MICU2: variants seen among roughly 807,000 people sequenced by gnomAD.
MICU2 encodes calcium uptake protein 2, mitochondrial.
A neutral mutation model predicts 60.4 loss-of-function variants in MICU2; 64 were observed. The ratio of observed to expected loss-of-function variants is 1.06; its 90% CI spans 0.87 to 1.31. The LOEUF (loss-of-function observed/expected upper bound fraction) is 1.31, where lower values mean the gene tolerates loss of function less well. MICU2 is among the 50% of genes most tolerant of loss of function. MICU2 has a pLI of 0.00. For synonymous variants in MICU2, 201 were observed against 175.0 expected (o/e 1.15, Z -1.17); for missense variants, 569 against 531.0 (o/e 1.07, Z -0.70).
chr13:21,519,193 A>G (rs1479477679), intron 6 of MICU2, among the ~76,000 whole-genome samples: 1 of 152,118 alleles, frequency 6.6e-6, no homozygotes, highest in Non-Finnish European at 1.5e-5. Flanking sequence ...AGTAGCTGAG[A>G]TTACAGGCAT....
chr13:21,493,362 C>A lies in MICU2; in HGVS notation c.1201-9G>T, dbSNP rs750035715. The A allele has an allele frequency of 1.3e-6, 2 of 1,578,404 alleles. No individual in the cohort carries two copies. Among genetic ancestry groups the A allele is most frequent in the South Asian group, 2.4e-5 (2 of 84,836 alleles). ...CTCTGATGTTGTGGTACCTGTTAACCGAAAGTAAAAATCAAGGGGTCATTG... is the reference window on the plus strand; with the variant it reads ...CTCTGATGTTGTGGTACCTGTTAACAGAAAGTAAAAATCAAGGGGTCATTG... On this transcript the variant is annotated splice_polypyrimidine_tract_variant and intron_variant, in intron 11 of 11. Transcript: ENST00000382374.
At chr13:21,494,906 A>G (rs932108693) in intron 11 of MICU2, among the ~76,000 whole-genome samples, 1 of 152,176 alleles carries the variant, frequency 6.6e-6, no homozygotes, top group Non-Finnish European at 1.5e-5. Flanking sequence ...TCTGTTGCAC[A>G]GTCTAGAGTG....
intron 6 of MICU2, among the ~76,000 whole-genome samples, chr13:21,517,699 C>G (rs920384066): frequency 6.6e-6 from 1 of 151,934 alleles, no homozygotes; most frequent in African/African-American, 2.4e-5. Context: ...ATCGCTGGAG[C>G]CCGGGAGGCA....
intron 2 of MICU2, among the ~76,000 whole-genome samples, chr13:21,557,145 T>C (rs960962266): frequency 6.6e-5 from 10 of 152,046 alleles, no homozygotes; most frequent in Admixed American, 1.3e-4. Context: ...AATAGGTGCA[T>C]TGGGTATTAG....
intron 1 of MICU2, among the ~76,000 whole-genome samples, chr13:21,589,203 G>C (rs1343343796): frequency 6.6e-6 from 1 of 152,196 alleles, no homozygotes; most frequent in Non-Finnish European, 1.5e-5. Context: ...CTGCAACTCA[G>C]GGGTAAATGA....
At chr13:21,603,155 T>C (rs1057161064) in intron 1 of MICU2, among the ~76,000 whole-genome samples, 1 of 149,628 alleles carries the variant, frequency 6.7e-6, no homozygotes, top group Non-Finnish European at 1.5e-5. Flanking sequence ...GGGGCTGGGG[T>C]GGGGAGCGGC....
At position 21,517,799 on chromosome 13, in the gene MICU2, A is replaced by ACACACACACACACGCG. The variant is rs1244489287; in HGVS notation, c.598-3382_598-3381insCGCGTGTGTGTGTGTG. On this transcript the variant is annotated intron_variant, in intron 6 of 11. Transcript: ENST00000382374. The stretch of plus-strand genomic sequence containing the variant: ...CACACACACACACACACACACACAC[A>ACACACACACACACGCG]CGCGCGCGCGCGCGCACACGCGCTA... Among the ~76,000 whole-genome samples the ACACACACACACACGCG allele has an allele frequency of 2.9e-3, 391 of 136,368 alleles. 2 individuals carry two copies. Among genetic ancestry groups the ACACACACACACACGCG allele is most frequent in the African/African-American group, 0.012 (374 of 32,432 alleles). 89.5% of individuals were successfully genotyped at this position (136,368 alleles called of 152,430 possible). A position where few individuals can be genotyped will look rare whatever the true frequency, so the allele number is the denominator to read the frequency against.
At chr13:21,579,031 A>G (rs991976219) in intron 1 of MICU2, among the ~76,000 whole-genome samples, 2 of 152,206 alleles carry the variant, frequency 1.3e-5, no homozygotes, top group African/African-American at 4.8e-5. Context: ...ATGGTTGATT[A>G]AGGTTTTAGT....
chr13:21,494,029 G>C (rs1019417309), intron 11 of MICU2, among the ~76,000 whole-genome samples: 9 of 152,080 alleles, frequency 5.9e-5, no homozygotes, highest in Non-Finnish European at 1.0e-4. Flanking sequence ...CTGATTTACA[G>C]CTTTTCTTTT....
chr13:21,536,054 T>C (rs902057825), intron 4 of MICU2, among the ~76,000 whole-genome samples: 5 of 152,136 alleles, frequency 3.3e-5, no homozygotes, highest in African/African-American at 1.2e-4. Flanking sequence ...AGGAGCTTGT[T>C]AACCTCAAAG....
At chr13:21,501,004 C>A (rs34507694) in intron 9 of MICU2, among the ~76,000 whole-genome samples, 2 of 151,950 alleles carry the variant, frequency 1.3e-5, no homozygotes, top group African/African-American at 2.4e-5. Context: ...TTTTTTGATT[C>A]ATCCTAAATT....
chr13:21,566,572 T>G (rs1887987418), intron 2 of MICU2, among the ~76,000 whole-genome samples: 1 of 152,050 alleles, frequency 6.6e-6, no homozygotes, highest in Non-Finnish European at 1.5e-5. Context: ...CAATTAAAAC[T>G]TAAACTATTT....
At chr13:21,582,626 GATTACCTGCTCCACCCTGACTCATTCTA>G (rs1427496310) in intron 1 of MICU2, among the ~76,000 whole-genome samples, 4 of 151,742 alleles carry the variant, frequency 2.6e-5, no homozygotes, top group Admixed American at 2.6e-4. Context: ...AACCTTTTTC[GATTACCTGCTCCACCCTGACTCATTCTA>G]ATTACCTGCT....
chr13:21,549,255 G>T (rs1441072243), intron 2 of MICU2, among the ~76,000 whole-genome samples: 1 of 151,986 alleles, frequency 6.6e-6, no homozygotes, highest in Non-Finnish European at 1.5e-5. Context: ...TTTAAACAAG[G>T]GCCCCAAGCA....
At chr13:21,503,716 T>C (rs1886232877) in intron 8 of MICU2, among the ~76,000 whole-genome samples, 1 of 152,196 alleles carries the variant, frequency 6.6e-6, no homozygotes, top group African/African-American at 2.4e-5. Context: ...AAGGGACACG[T>C]TGAAAAGATA....
chr13:21,590,650 C>T (rs1038155086), intron 1 of MICU2, among the ~76,000 whole-genome samples: 12 of 152,100 alleles, frequency 7.9e-5, no homozygotes, highest in Admixed American at 2.0e-4. Context: ...GTCAAGAGAT[C>T]GAGACCATCG....
intron 2 of MICU2, among the ~76,000 whole-genome samples, chr13:21,565,719 GCT>G (rs1887965401): frequency 6.6e-6 from 1 of 152,102 alleles, no homozygotes; most frequent in Admixed American, 6.5e-5. Context: ...TGTAATCCCA[GCT>G]ACTCGGGAGG....
At chr13:21,522,533 CTT>C in intron 5 of MICU2, 68 bp downstream of exon 5, 4 of 1,283,556 alleles carry the variant, frequency 3.1e-6, no homozygotes, top group Non-Finnish European at 4.4e-6. Context: ...AAATGCCAAA[CTT>C]TTAAAATCCT....
chr13:21,559,809 G>C (rs1029183051), intron 2 of MICU2, among the ~76,000 whole-genome samples: 1 of 152,116 alleles, frequency 6.6e-6, no homozygotes, highest in Admixed American at 6.5e-5. Flanking sequence ...ACAGGGGTGA[G>C]CCACCATGCC....
Sources: allele counts gnomAD v4.1 joint callset (sites outside exome capture counted in the v4.1 genomes callset), GRCh38; gene constraint gnomAD v4.1.1; transcripts MANE v1.5; gene names NCBI Gene and HGNC (gene_info 2026-07-23, HGNC 2026-07-21).